Variants in MKLN1 observed in about 807,000 individuals in gnomAD.
The protein encoded by MKLN1 is muskelin 1.
MKLN1 carries 18 observed loss-of-function variants against 99.0 expected under a neutral mutation model. The ratio of observed to expected loss-of-function variants is 0.18; its 90% CI spans 0.13 to 0.27. The LOEUF is 0.27. MKLN1 is among the 10% of genes least tolerant of loss of function. MKLN1 has a pLI of 1.00. For missense variants in MKLN1, 621 were observed against 875.9 expected (o/e 0.71, Z 3.67); for synonymous variants, 288 against 293.2 (o/e 0.98, Z 0.18).
intron 1 of MKLN1, among the ~76,000 whole-genome samples, chr7:131,363,981 T>G (rs1238663933): frequency 6.6e-6 from 1 of 152,140 alleles, no homozygotes; most frequent in Non-Finnish European, 1.5e-5. Context: ...AATATTTGTT[T>G]GATAAGTAAC....
At chr7:131,486,095 C>CAGAGAG (rs141739452) in intron 17 of MKLN1, among the ~76,000 whole-genome samples, 1 of 147,644 alleles carries the variant, frequency 6.8e-6, no homozygotes, top group East Asian at 2.0e-4. Flanking sequence ...TGGAGAGAGA[C>CAGAGAG]AGAGAGAGAG....
chr7:131,440,151 A>G (rs1162861638), intron 10 of MKLN1, among the ~76,000 whole-genome samples: 2 of 152,218 alleles, frequency 1.3e-5, no homozygotes, highest in African/African-American at 4.8e-5. Flanking sequence ...CAGTGAATTA[A>G]CATGTGTAAA....
chr7:131,125,049 C>G (rs898124406), intron 1 of MKLN1, among the ~76,000 whole-genome samples: 1 of 152,204 alleles, frequency 6.6e-6, no homozygotes, highest in Non-Finnish European at 1.5e-5. Context: ...TTGGCTCATA[C>G]CCTCTCTCCA....
chr7:131,429,648 G>A lies in MKLN1; in HGVS notation c.960+503G>A, dbSNP rs561891148. ...GGCTGGAGTGCAGTGGCACCATCTC[G>A]ACTCACTGCAAGCTCCGCCTCCCAG... On this transcript the variant is annotated intron_variant, in intron 9 of 17. Transcript: ENST00000352689. Among the ~76,000 whole-genome samples, 8 of 151,994 alleles carry A rather than the reference G, an allele frequency of 5.3e-5. No individual in the cohort carries two copies. In the South Asian group the frequency reaches 1.5e-3, roughly 28 times the overall value.
intron 3 of MKLN1, among the ~76,000 whole-genome samples, chr7:131,209,944 G>GA (rs148157123): frequency 0.016 from 2,352 of 151,624 alleles, 57 homozygotes; most frequent in African/African-American, 0.054. Flanking sequence ...CGATAAAGTA[G>GA]AAAAAAAAAT....
At chr7:131,280,244 A>G (rs1325546727) in intron 3 of MKLN1, among the ~76,000 whole-genome samples, 2 of 152,332 alleles carry the variant, frequency 1.3e-5, no homozygotes, top group East Asian at 3.9e-4. Flanking sequence ...TTAGGCCACT[A>G]TAAATAATGC....
intron 3 of MKLN1, among the ~76,000 whole-genome samples, chr7:131,264,839 AT>A (rs1003293603): frequency 6.6e-6 from 1 of 151,320 alleles, no homozygotes; most frequent in African/African-American, 2.4e-5. Context: ...TTATTCGGTA[AT>A]TTTTTTTGTT....
chr7:131,425,716 C>T (rs1345953658), intron 8 of MKLN1, among the ~76,000 whole-genome samples: 1 of 152,078 alleles, frequency 6.6e-6, no homozygotes, highest in African/African-American at 2.4e-5. Context: ...TCGTACTACC[C>T]CAGATGTACA....
chr7:131,341,598 A>G (rs1487173769), intron 1 of MKLN1, among the ~76,000 whole-genome samples: 1 of 152,210 alleles, frequency 6.6e-6, no homozygotes, highest in Non-Finnish European at 1.5e-5. Flanking sequence ...GTGGTCCCCA[A>G]CCTTTTTGGC....
intron 3 of MKLN1, among the ~76,000 whole-genome samples, chr7:131,232,527 G>A (rs1416548851): frequency 1.3e-5 from 2 of 152,330 alleles, no homozygotes; most frequent in East Asian, 1.9e-4. Flanking sequence ...TATAATTATA[G>A]TGATATTGAT....
intron 16 of MKLN1, among the ~76,000 whole-genome samples, chr7:131,476,321 A>G (rs1796965262): frequency 6.6e-6 from 1 of 152,172 alleles, no homozygotes; most frequent in Admixed American, 6.5e-5. Context: ...AAAAGCAATA[A>G]AAAACATATA....
At chr7:131,328,936 A>G (rs1042238380) in intron 1 of MKLN1, among the ~76,000 whole-genome samples, 1 of 152,224 alleles carries the variant, frequency 6.6e-6, no homozygotes, top group Non-Finnish European at 1.5e-5. Context: ...TCTAACTCCA[A>G]TTTTACATGC....
chr7:131,248,046 G>T (rs1797520460), intron 3 of MKLN1, among the ~76,000 whole-genome samples: 1 of 151,016 alleles, frequency 6.6e-6, no homozygotes. Context: ...CTACTGGCAT[G>T]TGCCACCACA....
At chr7:131,467,592 A>G (rs1283652316) in intron 15 of MKLN1, among the ~76,000 whole-genome samples, 1 of 152,130 alleles carries the variant, frequency 6.6e-6, no homozygotes, top group African/African-American at 2.4e-5. Flanking sequence ...AAGATGCCTG[A>G]ATAATTTGAG....
upstream of MKLN1, chr7:131,326,693 T>A (rs535162159): frequency 6.6e-6 from 1 of 152,332 alleles, no homozygotes; most frequent in African/African-American, 2.4e-5. Flanking sequence ...TAGAGCCCAC[T>A]ATTAAAATTT....
chr7:131,482,031 G>C (rs1179973973), intron 17 of MKLN1, among the ~76,000 whole-genome samples: 4 of 152,146 alleles, frequency 2.6e-5, no homozygotes, highest in Non-Finnish European at 5.9e-5. Context: ...TAGAGCTTCT[G>C]GTGGCTATAG....
At chr7:131,406,040 G>A (rs1458830947) in intron 6 of MKLN1, among the ~76,000 whole-genome samples, 1 of 151,968 alleles carries the variant, frequency 6.6e-6, no homozygotes, top group Non-Finnish European at 1.5e-5. Flanking sequence ...CGAATTATAT[G>A]TTTCCTATAG....
chr7:131,460,396 A>C (rs1243145769), intron 12 of MKLN1, among the ~76,000 whole-genome samples: 1 of 152,178 alleles, frequency 6.6e-6, no homozygotes. Context: ...GGTTTCTCTC[A>C]TAAATGAGAC....
At chr7:131,285,933 G>C (rs539144524) in intron 3 of MKLN1, among the ~76,000 whole-genome samples, 1 of 150,774 alleles carries the variant, frequency 6.6e-6, no homozygotes, top group East Asian at 1.9e-4. Context: ...TATTCTCTGC[G>C]TGTGTTTCCT....
Sources: gnomAD v4.1 joint callset for allele counts (sites outside exome capture counted in the v4.1 genomes callset) on GRCh38, gnomAD v4.1.1 for gene constraint, MANE v1.5 for transcripts, NCBI Gene and HGNC (gene_info 2026-07-23, HGNC 2026-07-21) for gene names.